Variants in ZBTB7C observed in about 807,000 individuals in gnomAD.
ZBTB7C encodes zinc finger and BTB domain containing 7C, also known as zinc finger and BTB domain-containing protein 7C.
A neutral mutation model predicts 25.7 loss-of-function variants in ZBTB7C; 8 were observed. The observed-to-expected ratio is 0.31, with a 90% CI of 0.18 to 0.56. The LOEUF (loss-of-function observed/expected upper bound fraction) is 0.56. Among genes scored for constraint, ZBTB7C ranks in the 20% least tolerant of loss-of-function variants. ZBTB7C has a pLI of 0.91. For synonymous variants in ZBTB7C, 394 were observed against 369.0 expected (o/e 1.07, Z -0.78); for missense variants, 824 against 855.2 (o/e 0.96, Z 0.46).
intron 1 of ZBTB7C, among the ~76,000 whole-genome samples, chr18:48,399,319 T>G (rs2048105842): frequency 1.3e-5 from 2 of 152,264 alleles, no homozygotes; most frequent in Non-Finnish European, 2.9e-5. Context: ...TTGTACCTTT[T>G]GAATTTTAAA....
At chr18:48,104,556 T>C (rs1362425474) in intron 3 of ZBTB7C, among the ~76,000 whole-genome samples, 1 of 152,180 alleles carries the variant, frequency 6.6e-6, no homozygotes, top group African/African-American at 2.4e-5. Flanking sequence ...TGTATGTATG[T>C]ATGTATGTAC....
intron 2 of ZBTB7C, among the ~76,000 whole-genome samples, chr18:48,188,680 C>T (rs1281505093): frequency 2.0e-5 from 3 of 152,196 alleles, no homozygotes; most frequent in African/African-American, 7.2e-5. Flanking sequence ...GAAGTCCAAA[C>T]ACCATCACCT....
At chr18:48,276,362 C>A (rs950931311) in intron 2 of ZBTB7C, among the ~76,000 whole-genome samples, 5 of 150,086 alleles carry the variant, frequency 3.3e-5, no homozygotes, top group African/African-American at 1.2e-4. Context: ...AGGTTAGATA[C>A]ATATGTATAC....
intron 2 of ZBTB7C, among the ~76,000 whole-genome samples, chr18:48,248,196 T>C (rs2043749843): frequency 6.6e-6 from 1 of 152,216 alleles, no homozygotes; most frequent in African/African-American, 2.4e-5. Context: ...GGTATGTCTT[T>C]ATTTGCAGCG....
chr18:48,323,474 C>T (rs2046144833), intron 2 of ZBTB7C, among the ~76,000 whole-genome samples: 1 of 152,222 alleles, frequency 6.6e-6, no homozygotes, highest in Non-Finnish European at 1.5e-5. Context: ...CAGTTTGACT[C>T]CAGAGCCTAT....
chr18:48,063,906 T>G (rs4531814), intron 3 of ZBTB7C, among the ~76,000 whole-genome samples: 69,765 of 151,224 alleles, frequency 0.46, 16,541 homozygotes, highest in African/African-American at 0.51. Flanking sequence ...ATATATAATT[T>G]ATAATTGATA....
intron 3 of ZBTB7C, among the ~76,000 whole-genome samples, chr18:48,107,524 G>A (rs1300195675): frequency 1.3e-5 from 2 of 152,042 alleles, no homozygotes; most frequent in Non-Finnish European, 2.9e-5. Flanking sequence ...GGAGGTCACC[G>A]ACATCTCCAG....
At chr18:48,140,565 G>T (rs1244070918) in intron 3 of ZBTB7C, among the ~76,000 whole-genome samples, 1 of 152,184 alleles carries the variant, frequency 6.6e-6, no homozygotes, top group Non-Finnish European at 1.5e-5. Flanking sequence ...TCCCTAAGGG[G>T]CAGTGTGGTT....
At position 48,367,347 on chromosome 18, in the gene ZBTB7C, CATATATATAT is replaced by C. The variant is rs58569472; in HGVS notation, c.-303-28959_-303-28950del. 1.3e-3 allele frequency among the ~76,000 whole-genome samples: 57 copies of C among 44,836 alleles called. 1 individual carries two copies. The highest frequency in any genetic ancestry group is 3.2e-3 in the African/African-American group (54 of 17,120). The allele number at this position is 44,836 out of a possible 152,430, so 29.4% of individuals were successfully genotyped here. ...GTGTATATATATACATATATGTGTG[CATATATATAT>C]ATATATATATATATAAAATACAAAC... is the stretch of plus-strand genomic sequence containing the variant. On this transcript the variant is annotated intron_variant, in intron 1 of 4. Coordinates refer to ENST00000590800, the MANE Select transcript of ZBTB7C (RefSeq NM_001318841.2).
chr18:48,092,938 C>T (rs930199609), intron 3 of ZBTB7C, among the ~76,000 whole-genome samples: 5 of 152,164 alleles, frequency 3.3e-5, no homozygotes, highest in African/African-American at 1.2e-4. Flanking sequence ...CCATGAAATA[C>T]CCTGGTATAC....
chr18:48,405,009 T>C (rs2048246394), intron 1 of ZBTB7C, among the ~76,000 whole-genome samples: 1 of 152,196 alleles, frequency 6.6e-6, no homozygotes, highest in Non-Finnish European at 1.5e-5. Context: ...TAAAACCTGC[T>C]GTGAGCCCCT....
At chr18:48,163,045 G>A (rs1038294399) in intron 3 of ZBTB7C, among the ~76,000 whole-genome samples, 1 of 152,192 alleles carries the variant, frequency 6.6e-6, no homozygotes, top group Non-Finnish European at 1.5e-5. Context: ...AATGGGGCCC[G>A]TTGGTCCTCA....
chr18:48,203,740 A>T (rs1474437771), intron 2 of ZBTB7C: 1 of 152,266 alleles, frequency 6.6e-6, no homozygotes, highest in Admixed American at 6.5e-5. Context: ...CACTCTTTAA[A>T]TGATTCCTGA....
chr18:48,364,647 C>T (rs1355360222), intron 1 of ZBTB7C, among the ~76,000 whole-genome samples: 1 of 152,108 alleles, frequency 6.6e-6, no homozygotes, highest in Non-Finnish European at 1.5e-5. Context: ...ATAAGTAATA[C>T]ATTAAATGGT....
intron 2 of ZBTB7C, among the ~76,000 whole-genome samples, chr18:48,202,905 C>A (rs971907332): frequency 6.6e-6 from 1 of 151,982 alleles, no homozygotes; most frequent in Non-Finnish European, 1.5e-5. Context: ...CCTTCCCCTG[C>A]CTCCACAGAA....
intron 2 of ZBTB7C, among the ~76,000 whole-genome samples, chr18:48,286,233 C>CGTGT (rs59121430): frequency 0.14 from 20,508 of 145,446 alleles, 1,516 homozygotes; most frequent in South Asian, 0.24. Flanking sequence ...AAGAGGTGTG[C>CGTGT]GTGTGTGTGT....
intron 3 of ZBTB7C, among the ~76,000 whole-genome samples, chr18:48,158,155 AG>A (rs1361156480): frequency 6.6e-6 from 1 of 152,226 alleles, no homozygotes; most frequent in East Asian, 1.9e-4. Flanking sequence ...GGTTACCACC[AG>A]GGGCAAACAC....
At chr18:48,395,951 C>G (rs1378817338) in intron 1 of ZBTB7C, among the ~76,000 whole-genome samples, 1 of 152,190 alleles carries the variant, frequency 6.6e-6, no homozygotes, top group Non-Finnish European at 1.5e-5. Flanking sequence ...ATAGGTGACT[C>G]TCAGGGAGGT....
chr18:48,273,788 A>G (rs2044559594), intron 2 of ZBTB7C, among the ~76,000 whole-genome samples: 2 of 152,194 alleles, frequency 1.3e-5, no homozygotes, highest in South Asian at 2.1e-4. Context: ...AACTTCCACA[A>G]AAATATTACC....
Sources: gnomAD v4.1 joint callset for allele counts (sites outside exome capture counted in the v4.1 genomes callset) on GRCh38, gnomAD v4.1.1 for gene constraint, MANE v1.5 for transcripts, NCBI Gene and HGNC (gene_info 2026-07-23, HGNC 2026-07-21) for gene names.